TECTA: variants seen among roughly 807,000 people sequenced by gnomAD.
TECTA encodes the protein tectorin alpha.
A neutral mutation model predicts 216.8 loss-of-function variants in TECTA; 128 were observed. The observed-to-expected ratio is 0.59, with a 90% confidence interval of 0.51 to 0.68. The LOEUF (loss-of-function observed/expected upper bound fraction) is 0.68, where lower values mean the gene tolerates loss of function less well. TECTA is among the 30% of genes least tolerant of loss of function. TECTA has a pLI of 0.00. For missense variants in TECTA, 2,551 were observed against 2,786.2 expected, an observed-to-expected ratio of 0.92 and a Z score of 1.90; for synonymous variants, 1,089 against 1,117.1, an observed-to-expected ratio of 0.97 and a Z score of 0.50.
intron 15 of TECTA, 137 bp from the exon 16 acceptor site, chr11:121,161,938 A>T: frequency 9.7e-7 from 1 of 1,034,120 alleles, no homozygotes; most frequent in Non-Finnish European, 1.5e-6. Flanking sequence ...GCAGTATCTT[A>T]CTTGCCAAAG....
rs555338159 is a variant in TECTA, at chr11:121,153,323, G to A, written c.4305+243G>A. Among the ~76,000 whole-genome samples, 7 of 152,296 alleles carry A rather than the reference G, an allele frequency of 4.6e-5. No individual in the cohort carries two copies. The East Asian group carries it at 9.6e-4, about 21-fold the overall frequency. ...CTTCCTCCCTCCTCCACAGTGGCAAGGTCTCCAGCACTCTGCCTCCCCTAC... is the reference window on the plus strand; with the variant it reads ...CTTCCTCCCTCCTCCACAGTGGCAAAGTCTCCAGCACTCTGCCTCCCCTAC... On this transcript the variant is annotated intron_variant, in intron 13 of 23. Transcript: ENST00000392793.
At chr11:121,153,868 C>T (rs937142825) in intron 13 of TECTA, among the ~76,000 whole-genome samples, 1 of 152,212 alleles carries the variant, frequency 6.6e-6, no homozygotes, top group African/African-American at 2.4e-5. Flanking sequence ...GGTTCGACCT[C>T]AAGCCCATTC....
At chr11:121,155,836 A>T (rs1312501650) in intron 13 of TECTA, among the ~76,000 whole-genome samples, 2 of 152,184 alleles carry the variant, frequency 1.3e-5, no homozygotes, top group Non-Finnish European at 2.9e-5. Context: ...GTCTAGAGCA[A>T]GTGCAACATC....
In TECTA at chr11:121,127,693, G is replaced by C; in HGVS notation, c.1775-59G>C. On this transcript the variant is annotated intron_variant, in intron 8 of 23. Coordinates refer to ENST00000392793, the MANE Select transcript of TECTA (RefSeq NM_005422.4). The surrounding 1 kb of genome is among the most constrained non-coding windows in gnomAD (Gnocchi z 5.0). ...CCAGGAGGAGCGTTAAGATTCTGGC[G>C]GGTTAGCACTCCGGGTCCATTCACC... The C allele has an allele frequency of 1.4e-5, 22 of 1,585,508 alleles. No individual in the cohort carries two copies. The highest frequency in any genetic ancestry group is 1.8e-5 in the Non-Finnish European group (21 of 1,154,278).
intron 16 of TECTA, among the ~76,000 whole-genome samples, 156 bp from the exon 17 acceptor site, chr11:121,165,116 CA>C (rs1279798586): frequency 7.9e-5 from 12 of 152,224 alleles, no homozygotes; most frequent in Non-Finnish European, 1.8e-4. Flanking sequence ...TAGCTATTGA[CA>C]TTATTTTCTG....
chr11:121,177,604 T>C (rs1947181274), intron 20 of TECTA, among the ~76,000 whole-genome samples: 1 of 152,234 alleles, frequency 6.6e-6, no homozygotes, highest in African/African-American at 2.4e-5. Flanking sequence ...TGCCTCCCAG[T>C]TAGGCTGCTC....
chr11:121,188,229 G>C (rs1331700245), intron 21 of TECTA, among the ~76,000 whole-genome samples: 2 of 152,206 alleles, frequency 1.3e-5, no homozygotes, highest in Non-Finnish European at 2.9e-5. Flanking sequence ...GTTTCTCAAA[G>C]CTCGGCACTG....
chr11:121,147,976 C>G (rs909718125), intron 12 of TECTA, among the ~76,000 whole-genome samples: 8 of 152,110 alleles, frequency 5.3e-5, no homozygotes, highest in Non-Finnish European at 1.0e-4. Context: ...AACCTTACCC[C>G]CAAGGAATAA....
intron 10 of TECTA, among the ~76,000 whole-genome samples, chr11:121,137,104 A>T (rs1946734724): frequency 6.6e-6 from 1 of 152,244 alleles, no homozygotes; most frequent in Non-Finnish European, 1.5e-5. Flanking sequence ...AGAGGCACAC[A>T]CATGCAATCA....
chr11:121,164,609 T>C (rs1947032962), intron 16 of TECTA, among the ~76,000 whole-genome samples: 1 of 152,204 alleles, frequency 6.6e-6, no homozygotes, highest in Non-Finnish European at 1.5e-5. Context: ...ACTTATAGTT[T>C]TCCCCTTTTG....
At chr11:121,169,973 G>A (rs1367815348) in intron 20 of TECTA, among the ~76,000 whole-genome samples, 1 of 152,062 alleles carries the variant, frequency 6.6e-6, no homozygotes, top group Non-Finnish European at 1.5e-5. Flanking sequence ...TTATCTAAAT[G>A]CACGTTTGTA....
At chr11:121,160,606 C>T (rs937008260) in intron 15 of TECTA, among the ~76,000 whole-genome samples, 185 bp downstream of exon 15, 2 of 152,214 alleles carry the variant, frequency 1.3e-5, no homozygotes, top group African/African-American at 4.8e-5. Context: ...ATTTCGTGAA[C>T]TGCAGAGGAA....
At chr11:121,120,900 A>T (rs1013926211) in intron 7 of TECTA, among the ~76,000 whole-genome samples, 1 of 152,168 alleles carries the variant, frequency 6.6e-6, no homozygotes, top group Middle Eastern at 3.2e-3. Flanking sequence ...TCAAATTCCT[A>T]TGCCACCACT....
intron 12 of TECTA, among the ~76,000 whole-genome samples, chr11:121,149,901 C>CT (rs1362781012): frequency 1.3e-5 from 2 of 152,164 alleles, no homozygotes; most frequent in African/African-American, 4.8e-5. Flanking sequence ...TCAGGTGTTT[C>CT]TTAGCCATCT....
chr11:121,122,613 A>T (rs1449832043), intron 7 of TECTA, among the ~76,000 whole-genome samples: 1 of 137,238 alleles, frequency 7.3e-6, no homozygotes, highest in Non-Finnish European at 1.5e-5. Flanking sequence ...AGGAGGGCAG[A>T]TTGCTTGAGC....
At position 121,168,756 on chromosome 11, in the gene TECTA, C is replaced by T. The variant is rs775316941; in HGVS notation, c.5830C>T (p.His1944Tyr). ...TCTCTACAAAAACGCCTCCTACAAA[C>T]ATCCTTACCGCCAGGGTGAAGTAGT... ...MALYKNASYKHPYRQGEVVLT... is the reference protein window; with the variant it reads ...MALYKNASYKYPYRQGEVVLT... The change falls in exon 20 of 24, where the codon CAT becomes TAT. Residue 1944 changes from histidine (H) to tyrosine (Y), a missense_variant. Physicochemically the swap from His to Tyr is moderately conservative, Grantham distance 83. Around this residue, in one of 3 missense-constraint regions of TECTA, gnomAD observed 2,375 missense variants for 2,563.9 expected, o/e 0.93. Transcript: ENST00000392793. The T allele has an allele frequency of 6.2e-7, 1 of 1,614,212 alleles. No individual in the cohort carries two copies. Among genetic ancestry groups the T allele is most frequent in the South Asian group, 1.1e-5 (1 of 91,082 alleles).
chr11:121,129,541 C>T, intron 9 of TECTA, 97 bp from the exon 10 acceptor site: 1 of 1,279,750 alleles, frequency 7.8e-7, no homozygotes, highest in Non-Finnish European at 1.1e-6. Context: ...TCTCAAAAGG[C>T]TAGCAATAGG....
Position 121,129,682 on chromosome 11 carries a change from G to C in TECTA, c.2412G>C (p.Gly804=), listed in dbSNP as rs1946651282. Residue 804 remains glycine (G), a synonymous_variant, in exon 10 of 24, where the codon GGG becomes GGC. Transcript: ENST00000392793. ...EVELPFFHPS[G]KLEIYRNKNS... is the part of the protein sequence containing the mutation. ...AATTGCCTTTTTTCCATCCTTCGGGGAAGCTGGAAATTTATCGAAACAAAA... is the reference window on the plus strand; with the variant it reads ...AATTGCCTTTTTTCCATCCTTCGGGCAAGCTGGAAATTTATCGAAACAAAA... 1.2e-6 allele frequency: 2 copies of C among 1,614,238 alleles called. No homozygotes were observed. The highest frequency in any genetic ancestry group is 1.7e-6 in the Non-Finnish European group (2 of 1,180,052).
At chr11:121,122,880 T>G (rs1946573002) in intron 7 of TECTA, among the ~76,000 whole-genome samples, 1 of 150,216 alleles carries the variant, frequency 6.7e-6, no homozygotes, top group African/African-American at 2.4e-5. Flanking sequence ...GTAGCAGCTT[T>G]GGGTAATTGG....
Sources: gnomAD v4.1 joint callset for allele counts (sites outside exome capture counted in the v4.1 genomes callset) on GRCh38, gnomAD v4.1.1 for gene constraint, gnomAD v4.1.1 regional missense constraint, Gnocchi (gnomAD v3.1) non-coding constraint, MANE v1.5 for transcripts, NCBI Gene and HGNC (gene_info 2026-07-23, HGNC 2026-07-21) for gene names.